The following EBF4 variants were observed in gnomAD, a reference collection of about 807,000 sequenced individuals.
EBF4 encodes the protein transcription factor COE4.
Under a neutral mutation model 67.1 loss-of-function variants are expected in EBF4, and 34 were observed. The ratio of observed to expected loss-of-function variants is 0.51; its 90% CI spans 0.39 to 0.67. EBF4 has a LOEUF of 0.67. Among genes scored for constraint, EBF4 ranks in the 30% least tolerant of loss-of-function variants. EBF4 has a pLI of 0.00. For synonymous variants in EBF4, 387 were observed against 377.7 expected, an observed-to-expected ratio of 1.02 and a Z score of -0.29; for missense variants, 837 against 873.3, an observed-to-expected ratio of 0.96 and a Z score of 0.52.
At chr20:2,697,907 A>C (rs904733020) in intron 1 of EBF4, among the ~76,000 whole-genome samples, 1 of 152,154 alleles carries the variant, frequency 6.6e-6, no homozygotes, top group Non-Finnish European at 1.5e-5. Context: ...ATCCCTGCAC[A>C]CTAGCAGGGC....
intron 6 of EBF4, among the ~76,000 whole-genome samples, chr20:2,737,081 C>T (rs563679534): frequency 2.0e-5 from 3 of 151,152 alleles, no homozygotes; most frequent in Non-Finnish European, 2.9e-5. Flanking sequence ...AACCCCGTCT[C>T]TACTAAAAAT....
intron 6 of EBF4, among the ~76,000 whole-genome samples, chr20:2,740,646 G>A (rs144369736): frequency 6.6e-6 from 1 of 152,306 alleles, no homozygotes; most frequent in Non-Finnish European, 1.5e-5. Flanking sequence ...AGTTTTCTTA[G>A]GGTGGGATTC....
In EBF4 at chr20:2,751,032, G is replaced by T. The variant is rs976276897; in HGVS notation, c.1019-668G>T. On this transcript the variant is annotated intron_variant, in intron 10 of 16. Transcript: ENST00000609451. This position sits in a 1 kb window ranked among gnomAD's most constrained non-coding sequence, Gnocchi z 5.2. ...GGGCGGTGCGGGGATCAGGAAAAGG[G>T]GAAGGAGGAGGAGAAGGGCGTGGGG... is the stretch of plus-strand genomic sequence containing the variant. 6.6e-6 allele frequency among the ~76,000 whole-genome samples: 1 copy of T among 152,046 alleles called. No individual in the cohort carries two copies. The highest frequency in any genetic ancestry group is 1.5e-5 in the Non-Finnish European group (1 of 68,012).
In EBF4 at chr20:2,745,027, G is replaced by T. The variant is rs769938625; in HGVS notation, c.558-3522G>T. ...AGTTCGGACTAGCCACACTGCAAGG[G>T]TTCATGCCGCGTGGGGCTGGTGGCT... On this transcript the variant is annotated intron_variant, in intron 6 of 16. Transcript: ENST00000609451. The surrounding 1 kb of genome is among the most constrained non-coding windows in gnomAD (Gnocchi z 5.2). Among the ~76,000 whole-genome samples, 10 of 152,178 alleles carry T rather than the reference G, an allele frequency of 6.6e-5. No homozygotes were observed. The highest frequency in any genetic ancestry group is 1.2e-4 in the Non-Finnish European group (8 of 68,036).
At chr20:2,727,613 T>C (rs1212453590) in intron 6 of EBF4, among the ~76,000 whole-genome samples, 1 of 152,258 alleles carries the variant, frequency 6.6e-6, no homozygotes, top group Non-Finnish European at 1.5e-5. Context: ...GCTGAATCAA[T>C]GGTAGTTCTA....
chr20:2,718,249 G>A (rs2087636631), intron 6 of EBF4, among the ~76,000 whole-genome samples: 1 of 152,146 alleles, frequency 6.6e-6, no homozygotes, highest in Non-Finnish European at 1.5e-5. Context: ...ATATTTTTCT[G>A]TAGTTTTCTT....
At chr20:2,728,064 G>A (rs1053461426) in intron 6 of EBF4, among the ~76,000 whole-genome samples, 4 of 152,166 alleles carry the variant, frequency 2.6e-5, no homozygotes. Context: ...GTTTAACTCA[G>A]ATTAACCTGG....
In EBF4 at chr20:2,705,786, CA is replaced by C. The variant is rs1436788465; in HGVS notation, c.294+54del. 25 of 113,804 alleles carry C rather than the reference CA, an allele frequency of 2.2e-4. No homozygotes were observed. The African/African-American group carries it at 3.2e-3, about 14-fold the overall frequency. 7.0% of individuals were successfully genotyped at this position (113,804 alleles called of 1,614,324 possible). A position where few individuals can be genotyped will look rare whatever the true frequency, so the allele number is the denominator to read the frequency against. On this transcript the variant is annotated intron_variant, in intron 2 of 16. Coordinates refer to ENST00000609451, the Ensembl canonical transcript of EBF4. ...CTGGCCCCGGGAGGGAACCCCCAAC[CA>C]CACACACACACACACACACACACAC... is the stretch of plus-strand genomic sequence containing the variant.
intron 6 of EBF4, among the ~76,000 whole-genome samples, chr20:2,736,639 A>C (rs566056632): frequency 6.6e-6 from 1 of 152,168 alleles, no homozygotes; most frequent in Non-Finnish European, 1.5e-5. Flanking sequence ...CTGCTGGGTC[A>C]GTGCTGAGGT....
intron 6 of EBF4, among the ~76,000 whole-genome samples, chr20:2,733,626 T>C (rs6051340): frequency 0.27 from 41,574 of 151,922 alleles, 8,196 homozygotes; most frequent in African/African-American, 0.56. Flanking sequence ...TCTTTCTGCT[T>C]CTGAGCTAGA....
At chr20:2,733,325 C>T (rs756435675) in intron 6 of EBF4, among the ~76,000 whole-genome samples, 1 of 152,154 alleles carries the variant, frequency 6.6e-6, no homozygotes, top group Non-Finnish European at 1.5e-5. Flanking sequence ...CTCATTGCTT[C>T]TCAGATCCTT....
At position 2,693,814 on chromosome 20, in the gene EBF4, G is replaced by A. The variant is rs1346485654; in HGVS notation, c.137+32G>A. 1 of 1,263,924 alleles carries A rather than the reference G, an allele frequency of 7.9e-7. No homozygotes were observed. Among genetic ancestry groups the A allele is most frequent in the African/African-American group, 1.5e-5 (1 of 64,534 alleles). The allele number at this position is 1,263,924 out of a possible 1,614,324, so 78.3% of individuals were successfully genotyped here. ...GCTCGGACCGGACCCGGTGCGCTCGGGTTGGACGGCTGCGCGCCGCCTCAG... is the reference window on the plus strand; with the variant it reads ...GCTCGGACCGGACCCGGTGCGCTCGAGTTGGACGGCTGCGCGCCGCCTCAG... On this transcript the variant is annotated intron_variant, in intron 1 of 16. Coordinates refer to ENST00000609451, the Ensembl canonical transcript of EBF4. The surrounding 1 kb of genome is among the most constrained non-coding windows in gnomAD (Gnocchi z 4.6).
chr20:2,737,099 A>T (rs1350946204), intron 6 of EBF4, among the ~76,000 whole-genome samples: 1 of 151,156 alleles, frequency 6.6e-6, no homozygotes. Flanking sequence ...AATACCAAAA[A>T]ATTAGCCGGG....
At chr20:2,744,492 C>CTTTTTTTTTTTTTTTTTTTTTTTTTTT (rs35298353) in intron 6 of EBF4, among the ~76,000 whole-genome samples, 1 of 115,890 alleles carries the variant, frequency 8.6e-6, no homozygotes, top group African/African-American at 3.3e-5. Flanking sequence ...TTTTTCTTTT[C>CTTTTTTTTTTTTTTTTTTTTTTTTTTT]TTTTTTTTTT....
chr20:2,728,793 AT>A (rs952108614), intron 6 of EBF4, among the ~76,000 whole-genome samples: 18 of 148,012 alleles, frequency 1.2e-4, no homozygotes, highest in African/African-American at 3.5e-4. Flanking sequence ...GGAAAATTCC[AT>A]TTTTTTTTTA....
At chr20:2,701,217 C>T (rs989701077) in intron 1 of EBF4, among the ~76,000 whole-genome samples, 4 of 152,222 alleles carry the variant, frequency 2.6e-5, no homozygotes, top group African/African-American at 9.6e-5. Flanking sequence ...TGGGGAAGTG[C>T]AGGATGCCGC....
chr20:2,692,956 G>T (rs1237888058), upstream of EBF4: 1 of 145,726 alleles, frequency 6.9e-6, no homozygotes, highest in South Asian at 1.8e-4. This position sits in a 1 kb window ranked among gnomAD's most constrained non-coding sequence, Gnocchi z 6.4. Flanking sequence ...TCCAGGTGCT[G>T]CCGCCCGGGG....
intron 10 of EBF4, among the ~76,000 whole-genome samples, chr20:2,750,592 A>C (rs1600243197): frequency 2.1e-5 from 3 of 145,594 alleles, no homozygotes; most frequent in African/African-American, 5.1e-5. Context: ...TCTCCTCTCC[A>C]CCCCACCGCA....
Position 2,755,588 on chromosome 20 carries a change from T to C in EBF4, c.1541-39T>C, listed in dbSNP as rs1029572629. On this transcript the variant is annotated intron_variant, in intron 14 of 16. Transcript: ENST00000609451. This position sits in a 1 kb window ranked among gnomAD's most constrained non-coding sequence, Gnocchi z 4.7. Reference sequence around the variant, plus strand: ...TCTCCCTGTTGTGTCTCCCACCACCTTCCCTGCTGCGCCTGCCCCTCCCCG... The same window carrying C: ...TCTCCCTGTTGTGTCTCCCACCACCCTCCCTGCTGCGCCTGCCCCTCCCCG... 1 of 1,054,304 alleles carries C rather than the reference T, an allele frequency of 9.5e-7. No individual in the cohort carries two copies. The highest frequency in any genetic ancestry group is 2.4e-4 in the Middle Eastern group (1 of 4,152). 65.3% of individuals were successfully genotyped at this position (1,054,304 alleles called of 1,614,324 possible).
Sources: allele counts gnomAD v4.1 joint callset (sites outside exome capture counted in the v4.1 genomes callset), GRCh38; gene constraint gnomAD v4.1.1; non-coding constraint Gnocchi (gnomAD v3.1); transcripts MANE v1.5; gene names NCBI Gene and HGNC (gene_info 2026-07-23, HGNC 2026-07-21).